The following FBXW8 variants were observed in gnomAD, a reference collection of about 807,000 sequenced individuals.
FBXW8 encodes F-box/WD repeat-containing protein 8.
FBXW8 carries 57 observed loss-of-function variants against 65.3 expected under a neutral mutation model. That is an observed-to-expected ratio of 0.87 (90% CI 0.71 to 1.09). FBXW8 has a LOEUF of 1.09. Among genes scored for constraint, FBXW8 ranks in the 50% least tolerant of loss-of-function variants. FBXW8 has a pLI of 0.00. For missense variants in FBXW8, 777 were observed against 814.8 expected (o/e 0.95, Z 0.57); for synonymous variants, 308 against 330.2 (o/e 0.93, Z 0.73).
chr12:116,919,409 AATG>A (rs1880704712), intron 1 of FBXW8, among the ~76,000 whole-genome samples: 1 of 152,194 alleles, frequency 6.6e-6, no homozygotes, highest in Non-Finnish European at 1.5e-5. Context: ...TTAGCTGTCA[AATG>A]ATGATGATGT....
chr12:116,964,817 G>T lies in FBXW8; in HGVS notation c.798G>T (p.Arg266Ser), dbSNP rs559416426. 3.7e-4 allele frequency: 604 copies of T among 1,612,430 alleles called. 5 individuals are homozygous for T. In the South Asian group the frequency reaches 6.2e-3, roughly 17 times the overall value. The change falls in exon 5 of 11, where the codon AGG (arginine) becomes AGT (serine). Residue 266 changes from arginine (R) to serine (S), a missense_variant. Transcript: ENST00000652555. Reference protein sequence around the residue: ...PGMQPNVSFVRINSSLAVAAY... With the variant: ...PGMQPNVSFVSINSSLAVAAY... ...TGCAGCCAAATGTCTCCTTTGTGAG[G>T]ATAAACAGCTCGTTGGCAGTAGCAG... is the stretch of plus-strand genomic sequence containing the variant.
At chr12:117,009,316 C>G (rs911379732) in intron 7 of FBXW8, among the ~76,000 whole-genome samples, 3 of 151,772 alleles carry the variant, frequency 2.0e-5, no homozygotes, top group African/African-American at 7.3e-5. Context: ...TGGCTGAGCC[C>G]AGGAGTTTGA....
chr12:117,007,023 A>G (rs1417260281), intron 7 of FBXW8, among the ~76,000 whole-genome samples: 1 of 152,242 alleles, frequency 6.6e-6, no homozygotes, highest in Non-Finnish European at 1.5e-5. Flanking sequence ...TGTGCAGAAG[A>G]AAAGTCAAAG....
intron 4 of FBXW8, chr12:116,950,628 A>G (rs1592877312): frequency 1.3e-5 from 2 of 152,214 alleles, no homozygotes; most frequent in Admixed American, 6.5e-5. Flanking sequence ...TGCAGTGCCT[A>G]TGAAAAAAAG....
intron 3 of FBXW8, among the ~76,000 whole-genome samples, chr12:116,947,008 C>T (rs1169305554): frequency 2.0e-5 from 3 of 151,826 alleles, no homozygotes; most frequent in Non-Finnish European, 4.4e-5. Flanking sequence ...GATGTCAGAC[C>T]GTGGTAGAGA....
chr12:116,974,664 G>T (rs1884816490), intron 5 of FBXW8, among the ~76,000 whole-genome samples: 1 of 152,164 alleles, frequency 6.6e-6, no homozygotes, highest in South Asian at 2.1e-4. Flanking sequence ...AGGATCACTT[G>T]AGCCTGGGAG....
At chr12:117,008,005 G>A (rs896668939) in intron 7 of FBXW8, among the ~76,000 whole-genome samples, 2 of 152,114 alleles carry the variant, frequency 1.3e-5, no homozygotes, top group African/African-American at 2.4e-5. Flanking sequence ...AGAAAATACT[G>A]GACTCTGGAC....
intron 5 of FBXW8, among the ~76,000 whole-genome samples, chr12:116,975,325 A>G (rs1452368819): frequency 1.3e-5 from 2 of 152,254 alleles, no homozygotes; most frequent in African/African-American, 2.4e-5. Flanking sequence ...GGAGGCTGGA[A>G]AGTCCAAGAT....
rs1885582759 is a variant in FBXW8, at chr12:116,985,205, G to A, written c.836-1G>A. ...TACCTGCATTGTTTCTTGCTGCATA[G>A]GGTTTCTTAATATTTGGGATTTAAG... On this transcript the variant is annotated splice_acceptor_variant, in intron 5 of 10. Transcript: ENST00000652555. LOFTEE classifies it high-confidence loss of function. 2 of 1,595,212 alleles carry A rather than the reference G, an allele frequency of 1.3e-6. No homozygotes were observed. The highest frequency in any genetic ancestry group is 1.4e-5 in the African/African-American group (1 of 73,874).
intron 1 of FBXW8, among the ~76,000 whole-genome samples, chr12:116,916,630 G>C (rs374165542): frequency 6.6e-6 from 1 of 152,280 alleles, no homozygotes; most frequent in East Asian, 1.9e-4. Flanking sequence ...GGGCATGGTG[G>C]CACATGCCTG....
rs1039066853 is a variant in FBXW8, at chr12:117,003,949, G to A, written c.1240-6374G>A. Among the ~76,000 whole-genome samples the A allele has an allele frequency of 2.0e-5, 3 of 152,110 alleles. No individual in the cohort carries two copies. The East Asian group carries it at 5.8e-4, about 29-fold the overall frequency. On this transcript the variant is annotated intron_variant, in intron 7 of 10. Coordinates refer to ENST00000652555, the MANE Select transcript of FBXW8 (RefSeq NM_153348.3). Reference sequence around the variant, plus strand: ...ATTTTTATACTGTCTGGGATTTCTTGTGTGTCCCTCCTTTCAGTTGTAGAG... The same window carrying A: ...ATTTTTATACTGTCTGGGATTTCTTATGTGTCCCTCCTTTCAGTTGTAGAG...
rs557778498 is a variant in FBXW8 at position 116,919,486 on chromosome 12, A to C, written c.318+8131A>C. Among the ~76,000 whole-genome samples the C allele has an allele frequency of 5.9e-5, 9 of 152,342 alleles. No individual in the cohort carries two copies. In the South Asian group the frequency reaches 1.7e-3, roughly 28 times the overall value. On this transcript the variant is annotated intron_variant, in intron 1 of 10. Transcript: ENST00000652555. ...GAACTTAGCACTGAGCCTGGAGTACAGTAAGGGCCCAATAAATGTAAGCTG... is the reference window on the plus strand; with the variant it reads ...GAACTTAGCACTGAGCCTGGAGTACCGTAAGGGCCCAATAAATGTAAGCTG...
intron 1 of FBXW8, among the ~76,000 whole-genome samples, chr12:116,926,279 C>T (rs1018402538): frequency 7.2e-5 from 11 of 152,192 alleles, no homozygotes; most frequent in African/African-American, 2.4e-5. Context: ...GCGGGCTTTT[C>T]CTTGCCTTTG....
chr12:116,977,329 T>C (rs1885011929), intron 5 of FBXW8: 1 of 152,200 alleles, frequency 6.6e-6, no homozygotes, highest in Non-Finnish European at 1.5e-5. Flanking sequence ...ATCACTAGAA[T>C]TTTCACCGTA....
rs771964153 is a variant in FBXW8 at position 116,936,334 on chromosome 12, G to A, written c.423+8207G>A. On this transcript the variant is annotated intron_variant, in intron 2 of 10. Transcript: ENST00000652555. This position sits in a 1 kb window ranked among gnomAD's most constrained non-coding sequence, Gnocchi z 4.6. ...AGGTCCAAGTGGGTGGTTGTCGTACGCTGAATAATGGCCCTCCCAAATATG... is the reference window on the plus strand; with the variant it reads ...AGGTCCAAGTGGGTGGTTGTCGTACACTGAATAATGGCCCTCCCAAATATG... Among the ~76,000 whole-genome samples the A allele has an allele frequency of 4.1e-4, 63 of 152,226 alleles. No homozygotes were observed. The highest frequency in any genetic ancestry group is 1.4e-3 in the African/African-American group (59 of 41,456).
chr12:116,952,174 T>C (rs7303882), intron 4 of FBXW8, among the ~76,000 whole-genome samples: 105,911 of 152,126 alleles, frequency 0.7, 40,852 homozygotes, highest in Non-Finnish European at 0.85. Flanking sequence ...AACAGCGTTT[T>C]AGTCAATGAT....
intron 8 of FBXW8, among the ~76,000 whole-genome samples, chr12:117,014,034 C>G (rs1182601361): frequency 6.6e-6 from 1 of 152,042 alleles, no homozygotes; most frequent in African/African-American, 2.4e-5. Context: ...TTCCCTTTCT[C>G]CTCTCCTTCC....
rs1378421518 is a variant in FBXW8, at chr12:117,028,549, C to G, written c.*377C>G. ...GCCCTGCAGGCCGTCTTTTCCGTCT[C>G]CAGCCCCTTACCTCTTTTCCTCCGA... is the stretch of plus-strand genomic sequence containing the variant. On this transcript the variant is annotated 3_prime_UTR_variant, in exon 11 of 11. Transcript: ENST00000652555. This position sits in a 1 kb window ranked among gnomAD's most constrained non-coding sequence, Gnocchi z 4.1. 1.1e-4 allele frequency: 22 copies of G among 199,858 alleles called. No homozygotes were observed. Among genetic ancestry groups the G allele is most frequent in the Non-Finnish European group, 9.4e-5 (9 of 95,894 alleles). The allele number at this position is 199,858 out of a possible 1,614,324, so 12.4% of individuals were successfully genotyped here.
At chr12:116,920,678 C>G (rs956840427) in intron 1 of FBXW8, among the ~76,000 whole-genome samples, 1 of 152,084 alleles carries the variant, frequency 6.6e-6, no homozygotes, top group Admixed American at 6.5e-5. Context: ...TAGGCCAAGA[C>G]GGGCAAGTGC....
Sources: allele counts gnomAD v4.1 joint callset (sites outside exome capture counted in the v4.1 genomes callset), GRCh38; gene constraint gnomAD v4.1.1; non-coding constraint Gnocchi (gnomAD v3.1); transcripts MANE v1.5; gene names NCBI Gene and HGNC (gene_info 2026-07-23, HGNC 2026-07-21).